Variants in ADCY1 observed in about 807,000 individuals in gnomAD.
The protein encoded by ADCY1 is adenylate cyclase type 1.
A neutral mutation model predicts 105.4 loss-of-function variants in ADCY1; 28 were observed. The ratio of observed to expected loss-of-function variants is 0.27; its 90% CI spans 0.20 to 0.36. The LOEUF (loss-of-function observed/expected upper bound fraction) is 0.36. Among genes scored for constraint, ADCY1 ranks in the 10% least tolerant of loss-of-function variants. ADCY1 has a pLI of 1.00. For missense variants in ADCY1, 977 were observed against 1,434.2 expected, an observed-to-expected ratio of 0.68 and a Z score of 5.15; for synonymous variants, 655 against 623.8, an observed-to-expected ratio of 1.05 and a Z score of -0.75.
intron 4 of ADCY1, among the ~76,000 whole-genome samples, chr7:45,638,203 C>T (rs147465105): frequency 1.8e-4 from 28 of 152,262 alleles, no homozygotes; most frequent in Non-Finnish European, 3.7e-4. Flanking sequence ...CTTCCTCCTT[C>T]GGGGACATCA....
intron 5 of ADCY1, among the ~76,000 whole-genome samples, chr7:45,655,753 C>G (rs1241117714): frequency 6.6e-6 from 1 of 151,962 alleles, no homozygotes; most frequent in African/African-American, 2.4e-5. Flanking sequence ...TTGGTGAGCT[C>G]GAGGGGATCT....
At chr7:45,711,472 T>C (rs539803420) in intron 19 of ADCY1, among the ~76,000 whole-genome samples, 2 of 151,960 alleles carry the variant, frequency 1.3e-5, no homozygotes, top group Non-Finnish European at 2.9e-5. Context: ...CATTCTCTTT[T>C]TTAAAATTTC....
chr7:45,651,037 C>T (rs1794795248), intron 5 of ADCY1, among the ~76,000 whole-genome samples: 1 of 152,152 alleles, frequency 6.6e-6, no homozygotes, highest in Non-Finnish European at 1.5e-5. Flanking sequence ...ATCTCTACCC[C>T]TGCTACCTGA....
intron 3 of ADCY1, among the ~76,000 whole-genome samples, chr7:45,621,216 C>G (rs1251052187): frequency 1.3e-5 from 2 of 152,102 alleles, no homozygotes; most frequent in Non-Finnish European, 2.9e-5. Flanking sequence ...CAGGTGCACG[C>G]CAACACACCT....
chr7:45,576,158 C>T (rs778618608), intron 1 of ADCY1, among the ~76,000 whole-genome samples: 3 of 152,132 alleles, frequency 2.0e-5, no homozygotes, highest in Non-Finnish European at 2.9e-5. Flanking sequence ...GCCCATCTCA[C>T]GAAAGGAAGC....
At chr7:45,682,859 A>T (rs555239819) in intron 11 of ADCY1, among the ~76,000 whole-genome samples, 4 of 152,054 alleles carry the variant, frequency 2.6e-5, no homozygotes, top group Non-Finnish European at 5.9e-5. Flanking sequence ...GAAAAGAGAA[A>T]ACCTTGGCAG....
Position 45,704,652 on chromosome 7 carries a change from G to A in ADCY1, c.2817+36G>A, listed in dbSNP as rs771951520. ...CCTGGCGCTGCCTGCTTGGGGACTG[G>A]GTCCAAGCTCTGCCCTAAACTGCTC... On this transcript the variant is annotated intron_variant, in intron 17 of 19. Coordinates refer to ENST00000297323, the MANE Select transcript of ADCY1 (RefSeq NM_021116.4). The A allele has an allele frequency of 6.4e-6, 10 of 1,564,098 alleles. No homozygotes were observed. The Admixed American group carries it at 1.7e-4, about 26-fold the overall frequency.
chr7:45,638,363 A>G (rs1363030255), intron 4 of ADCY1, among the ~76,000 whole-genome samples: 1 of 152,086 alleles, frequency 6.6e-6, no homozygotes, highest in Non-Finnish European at 1.5e-5. Context: ...AATTTTATCC[A>G]GTATAGCTTC....
rs752628150 is a variant in ADCY1, at chr7:45,685,084, T to C, written c.2073+16T>C. The C allele has an allele frequency of 1.2e-6, 2 of 1,608,768 alleles. No individual in the cohort carries two copies. The highest frequency in any genetic ancestry group is 2.2e-5 in the South Asian group (2 of 90,976). ...AGGTTGTGTGGTGAGCATCTCCAGCTTGTGGCATGCGCTGGGGCGGGAGAG... is the reference window on the plus strand; with the variant it reads ...AGGTTGTGTGGTGAGCATCTCCAGCCTGTGGCATGCGCTGGGGCGGGAGAG... On this transcript the variant is annotated intron_variant, in intron 12 of 19. Coordinates refer to ENST00000297323, the MANE Select transcript of ADCY1 (RefSeq NM_021116.4).
At position 45,652,728 on chromosome 7, in the gene ADCY1, T is replaced by G. The variant is rs530673253; in HGVS notation, c.1148+3931T>G. ...AGTGAGGCTCCAGTGTGAATCAAGGTGGGGCTGAGAGAGGCCCTCTGAAGT... is the reference window on the plus strand; with the variant it reads ...AGTGAGGCTCCAGTGTGAATCAAGGGGGGGCTGAGAGAGGCCCTCTGAAGT... On this transcript the variant is annotated intron_variant, in intron 5 of 19. Coordinates refer to ENST00000297323, the MANE Select transcript of ADCY1 (RefSeq NM_021116.4). Among the ~76,000 whole-genome samples the G allele has an allele frequency of 3.3e-5, 5 of 152,242 alleles. No individual in the cohort carries two copies. In the South Asian group the frequency reaches 1.0e-3, roughly 32 times the overall value.
intron 3 of ADCY1, among the ~76,000 whole-genome samples, chr7:45,619,618 A>G (rs1343394621): frequency 6.6e-6 from 1 of 152,180 alleles, no homozygotes; most frequent in Non-Finnish European, 1.5e-5. Flanking sequence ...GCTGGAGGAC[A>G]TTACTGTAAC....
At chr7:45,622,606 C>A in intron 3 of ADCY1, 26 bp from the exon 4 acceptor site, 2 of 1,551,030 alleles carry the variant, frequency 1.3e-6, no homozygotes, top group Non-Finnish European at 1.8e-6. Flanking sequence ...GGGAGAAGGG[C>A]AGCCTGGCAC....
Position 45,708,541 on chromosome 7 carries a change from T to G in ADCY1, c.2932+77T>G. 1.9e-5 allele frequency: 20 copies of G among 1,057,066 alleles called. No individual in the cohort carries two copies. Among genetic ancestry groups the G allele is most frequent in the Non-Finnish European group, 2.6e-5 (18 of 690,046 alleles). 65.5% of individuals were successfully genotyped at this position (1,057,066 alleles called of 1,614,324 possible). A position where few individuals can be genotyped will look rare whatever the true frequency, so the allele number is the denominator to read the frequency against. ...CCCACCTAGGGGTGGGATCAGCTGA[T>G]GAGGTACCCTGGTCTTACAGGAAGG... On this transcript the variant is annotated intron_variant, in intron 18 of 19. Transcript: ENST00000297323. The surrounding 1 kb of genome is among the most constrained non-coding windows in gnomAD (Gnocchi z 4.7).
intron 4 of ADCY1, among the ~76,000 whole-genome samples, chr7:45,630,625 GTT>G (rs1242910624): frequency 6.6e-6 from 1 of 151,920 alleles, no homozygotes; most frequent in African/African-American, 2.4e-5. Flanking sequence ...TCATTCTTCT[GTT>G]TTCTCTCACT....
At chr7:45,672,677 T>C (rs1360157098) in intron 8 of ADCY1, among the ~76,000 whole-genome samples, 1 of 152,172 alleles carries the variant, frequency 6.6e-6, no homozygotes, top group Non-Finnish European at 1.5e-5. Context: ...CTTGTGGAAC[T>C]CACTAATTTG....
At position 45,703,381 on chromosome 7, in the gene ADCY1, G is replaced by T. The variant is rs1473988653; in HGVS notation, c.2460G>T (p.Glu820Asp). The stretch of plus-strand genomic sequence containing the variant: ...GGAGGCTCATGATACCCCAGGCAGA[G>T]GAGGAGCGAGAGGACATGGAGAAGG... Reference protein sequence around the residue: ...RLDYLWAAQAEEEREDMEKVK... With the variant: ...RLDYLWAAQADEEREDMEKVK... The change falls in exon 15 of 20, where the codon GAG (glutamate) becomes GAT (aspartate). Residue 820 changes from glutamate to aspartate, a missense_variant. By Grantham distance (45) the Glu-to-Asp change is conservative (BLOSUM62 2). Coordinates refer to ENST00000297323, the MANE Select transcript of ADCY1 (RefSeq NM_021116.4). The surrounding 1 kb of genome is among the most constrained non-coding windows in gnomAD (Gnocchi z 5.9). 1 of 1,613,936 alleles carries T rather than the reference G, an allele frequency of 6.2e-7. No individual in the cohort carries two copies. Among genetic ancestry groups the T allele is most frequent in the African/African-American group, 1.3e-5 (1 of 74,922 alleles).
intron 6 of ADCY1, among the ~76,000 whole-genome samples, chr7:45,659,361 AG>A (rs1795028892): frequency 6.6e-6 from 1 of 152,234 alleles, no homozygotes; most frequent in Admixed American, 6.5e-5. Flanking sequence ...CTGGGTTTGC[AG>A]GGAATGGTTT....
In ADCY1 at chr7:45,703,865, T is replaced by G; in HGVS notation, c.2718+119T>G. 1 of 1,380,836 alleles carries G rather than the reference T, an allele frequency of 7.2e-7. No homozygotes were observed. The highest frequency in any genetic ancestry group is 9.7e-7 in the Non-Finnish European group (1 of 1,028,534). 85.5% of individuals were successfully genotyped at this position (1,380,836 alleles called of 1,614,324 possible). On this transcript the variant is annotated intron_variant, in intron 16 of 19. Coordinates refer to ENST00000297323, the MANE Select transcript of ADCY1 (RefSeq NM_021116.4). The surrounding 1 kb of genome is among the most constrained non-coding windows in gnomAD (Gnocchi z 5.9). The stretch of plus-strand genomic sequence containing the variant: ...CGTAGCTGGAATGAGAGAAAGCAAA[T>G]CCCGGGAAGCACAGGCATTCTGTCT...
chr7:45,574,762 C>T lies in ADCY1; in HGVS notation c.219C>T (p.Gly73=), dbSNP rs1309914397. ...KALAVLSLLA[G]ALALAELLGA... ...TGGCCGTTCTCAGCCTGCTGGCGGG[C>T]GCGCTGGCGCTGGCCGAGCTGCTGG... The change falls in exon 1 of 20, where the codon GGC becomes GGT. Residue 73 remains glycine (G), a synonymous_variant. Transcript: ENST00000297323. The surrounding 1 kb of genome is among the most constrained non-coding windows in gnomAD (Gnocchi z 7.0). 1 of 1,435,484 alleles carries T rather than the reference C, an allele frequency of 7.0e-7. No homozygotes were observed. The highest frequency in any genetic ancestry group is 9.1e-7 in the Non-Finnish European group (1 of 1,104,576). The allele number at this position is 1,435,484 out of a possible 1,614,324, so 88.9% of individuals were successfully genotyped here. A position where few individuals can be genotyped will look rare whatever the true frequency, so the allele number is the denominator to read the frequency against.
Sources: allele counts gnomAD v4.1 joint callset (sites outside exome capture counted in the v4.1 genomes callset), GRCh38; gene constraint gnomAD v4.1.1; non-coding constraint Gnocchi (gnomAD v3.1); transcripts MANE v1.5; gene names NCBI Gene and HGNC (gene_info 2026-07-23, HGNC 2026-07-21).